ETV6: variants seen among roughly 807,000 people sequenced by gnomAD.
The protein encoded by ETV6 is ETS variant transcription factor 6.
In ETV6, 16 loss-of-function variants were observed where a neutral mutation model predicts 51.1. The observed-to-expected ratio is 0.31, with a 90% confidence interval of 0.21 to 0.48. ETV6 has a LOEUF of 0.48. Ranked by LOEUF, ETV6 falls within the 20% of genes least tolerant of loss-of-function variation. ETV6 has a pLI of 0.99. For missense variants in ETV6, 458 were observed against 594.8 expected (o/e 0.77, Z 2.39); for synonymous variants, 240 against 224.1 (o/e 1.07, Z -0.64).
intron 2 of ETV6, among the ~76,000 whole-genome samples, chr12:11,798,507 C>T (rs1327548494): frequency 1.3e-5 from 2 of 152,070 alleles, no homozygotes; most frequent in African/African-American, 2.4e-5. Flanking sequence ...TTGCGAGCCA[C>T]GTGGGTAGCT....
intron 5 of ETV6, among the ~76,000 whole-genome samples, chr12:11,878,048 C>T (rs1253611511): frequency 1.3e-5 from 2 of 152,140 alleles, no homozygotes; most frequent in Non-Finnish European, 2.9e-5. Context: ...AGGCCACCTC[C>T]GTTTTCTTAT....
intron 1 of ETV6, among the ~76,000 whole-genome samples, chr12:11,721,797 A>G (rs1359662816): frequency 2.0e-5 from 3 of 152,240 alleles, no homozygotes; most frequent in African/African-American, 7.2e-5. Flanking sequence ...CATATAATAG[A>G]TGCCTAATGA....
At chr12:11,746,788 CTCTTTTT>C (rs1268077484) in intron 1 of ETV6, among the ~76,000 whole-genome samples, 2 of 101,358 alleles carry the variant, frequency 2.0e-5, no homozygotes, top group Non-Finnish European at 3.9e-5. Flanking sequence ...CTCTCTCTCT[CTCTTTTT>C]TTTTTTTTTT....
chr12:11,839,180 G>T lies in ETV6; in HGVS notation c.204G>T (p.Gln68His), dbSNP rs202004830. The change falls in exon 3 of 8, where the codon CAG becomes CAT. Residue 68 changes from glutamine (Q) to histidine (H), a missense_variant. By Grantham distance (24) the Gln-to-His change is conservative. Transcript: ENST00000396373. The part of the protein sequence containing the change: ...PIYWSRDDVA[Q>H]WLKWAENEFS... Reference sequence around the variant, plus strand: ...ACTGGAGCAGGGATGACGTAGCCCAGTGGCTCAAGTGGGCTGAAAATGAGT... The same window carrying T: ...ACTGGAGCAGGGATGACGTAGCCCATTGGCTCAAGTGGGCTGAAAATGAGT... 4 of 1,614,134 alleles carry T rather than the reference G, an allele frequency of 2.5e-6. No individual in the cohort carries two copies. The African/African-American group carries it at 4.0e-5, about 16-fold the overall frequency.
chr12:11,893,367 A>T lies in ETV6; in HGVS notation c.*2321A>T. The T allele has an allele frequency of 4.4e-6, 1 of 227,488 alleles. No individual in the cohort carries two copies. The highest frequency in any genetic ancestry group is 2.3e-5 in the African/African-American group (1 of 44,108). 14.1% of individuals were successfully genotyped at this position (227,488 alleles called of 1,614,324 possible). ...GTCTCTTACTGTTCAAAGAATCTTAACAGTTGAATTATGGAGGGAAATTCC... is the reference window on the plus strand; with the variant it reads ...GTCTCTTACTGTTCAAAGAATCTTATCAGTTGAATTATGGAGGGAAATTCC... On this transcript the variant is annotated 3_prime_UTR_variant, in exon 8 of 8. Coordinates refer to ENST00000396373, the MANE Select transcript of ETV6 (RefSeq NM_001987.5).
intron 1 of ETV6, among the ~76,000 whole-genome samples, chr12:11,674,136 A>G (rs1010960977): frequency 6.6e-6 from 1 of 152,242 alleles, no homozygotes; most frequent in Admixed American, 6.5e-5. Flanking sequence ...GGAATCTAGC[A>G]AACAATAAAG....
chr12:11,685,102 C>T (rs760240729), intron 1 of ETV6, among the ~76,000 whole-genome samples: 3 of 152,118 alleles, frequency 2.0e-5, no homozygotes, highest in African/African-American at 4.8e-5. Context: ...TTTGCCACTG[C>T]GTGAAGAGCT....
intron 1 of ETV6, among the ~76,000 whole-genome samples, chr12:11,718,905 C>T (rs1399639782): frequency 6.6e-6 from 1 of 152,224 alleles, no homozygotes; most frequent in African/African-American, 2.4e-5. Context: ...TGGCAGATCC[C>T]TGATCTGTGA....
chr12:11,775,442 C>G (rs1023051098), intron 2 of ETV6, among the ~76,000 whole-genome samples: 3 of 152,152 alleles, frequency 2.0e-5, no homozygotes, highest in Non-Finnish European at 4.4e-5. Context: ...ACACTGCTGT[C>G]TTTATTATTC....
Position 11,891,327 on chromosome 12 carries a change from T to C in ETV6, c.*281T>C. On this transcript the variant is annotated 3_prime_UTR_variant, in exon 8 of 8. Coordinates refer to ENST00000396373, the MANE Select transcript of ETV6 (RefSeq NM_001987.5). ...TCTCTCCATCTGTAATTCCTCACCCTCACCCTTCCACCGTTGTTAGTATCA... is the reference window on the plus strand; with the variant it reads ...TCTCTCCATCTGTAATTCCTCACCCCCACCCTTCCACCGTTGTTAGTATCA... 1 of 407,296 alleles carries C rather than the reference T, an allele frequency of 2.5e-6. No individual in the cohort carries two copies. The highest frequency in any genetic ancestry group is 4.3e-5 in the East Asian group (1 of 23,148). 25.2% of individuals were successfully genotyped at this position (407,296 alleles called of 1,614,324 possible).
intron 1 of ETV6, among the ~76,000 whole-genome samples, chr12:11,742,805 CTTTT>C (rs751007395): frequency 1.1e-3 from 90 of 78,676 alleles, no homozygotes; most frequent in African/African-American, 4.1e-3. Flanking sequence ...TTCTTTCTTT[CTTTT>C]TTTTTTTTTT....
At chr12:11,731,160 C>A (rs538793009) in intron 1 of ETV6, among the ~76,000 whole-genome samples, 2 of 152,156 alleles carry the variant, frequency 1.3e-5, no homozygotes, top group Non-Finnish European at 2.9e-5. Context: ...TAAGAAGAGT[C>A]ATGACTAAGT....
At chr12:11,744,007 G>A (rs190724898) in intron 1 of ETV6, among the ~76,000 whole-genome samples, 63 of 152,324 alleles carry the variant, frequency 4.1e-4, no homozygotes, top group Non-Finnish European at 6.9e-4. Context: ...GCCAGTGTCT[G>A]CAGGAGCCTT....
chr12:11,684,590 C>A (rs1426549838), intron 1 of ETV6, among the ~76,000 whole-genome samples: 1 of 152,202 alleles, frequency 6.6e-6, no homozygotes, highest in East Asian at 1.9e-4. Context: ...CTTGTTTTAT[C>A]TGTATGCTTA....
At chr12:11,698,062 T>C (rs1359284954) in intron 1 of ETV6, among the ~76,000 whole-genome samples, 1 of 152,240 alleles carries the variant, frequency 6.6e-6, no homozygotes, top group Non-Finnish European at 1.5e-5. Flanking sequence ...AGAAAACTAT[T>C]ACTCTTTTTC....
chr12:11,830,746 C>T (rs543284619), intron 2 of ETV6, among the ~76,000 whole-genome samples: 1 of 152,236 alleles, frequency 6.6e-6, no homozygotes. Context: ...TCCCCTTCAG[C>T]TACATGCATG....
chr12:11,764,705 T>C (rs1945139021), intron 2 of ETV6, among the ~76,000 whole-genome samples: 1 of 152,148 alleles, frequency 6.6e-6, no homozygotes, highest in African/African-American at 2.4e-5. Flanking sequence ...CAGAGCTGGG[T>C]GGCCTATGTG....
At chr12:11,788,746 G>T (rs1945527325) in intron 2 of ETV6, among the ~76,000 whole-genome samples, 1 of 140,264 alleles carries the variant, frequency 7.1e-6, no homozygotes, top group Non-Finnish European at 1.5e-5. Flanking sequence ...TAAATCACGT[G>T]CTTGTATTGG....
intron 7 of ETV6, among the ~76,000 whole-genome samples, chr12:11,888,398 CTTTTTT>C (rs1555148147): frequency 1.2e-5 from 1 of 80,686 alleles, no homozygotes; most frequent in Non-Finnish European, 2.5e-5. Context: ...CTTTTCTTTT[CTTTTTT>C]TTTTTTTTTT....
Sources: allele counts gnomAD v4.1 joint callset (sites outside exome capture counted in the v4.1 genomes callset), GRCh38; gene constraint gnomAD v4.1.1; transcripts MANE v1.5; gene names NCBI Gene and HGNC (gene_info 2026-07-23, HGNC 2026-07-21).